SLC27A2: variants seen among roughly 807,000 people sequenced by gnomAD.
SLC27A2 encodes long-chain fatty acid transport protein 2.
Under a neutral mutation model 60.0 loss-of-function variants are expected in SLC27A2, and 54 were observed. That is an observed-to-expected ratio of 0.90 (90% confidence interval 0.72 to 1.13). SLC27A2 has a LOEUF of 1.13. SLC27A2 is among the 50% of genes most tolerant of loss of function. SLC27A2 has a pLI of 0.00. For missense variants in SLC27A2, 739 were observed against 777.6 expected (o/e 0.95, Z 0.59); for synonymous variants, 297 against 297.6 (o/e 1.00, Z 0.02).
intron 4 of SLC27A2, among the ~76,000 whole-genome samples, chr15:50,218,093 G>C (rs1251730449): frequency 7.1e-6 from 1 of 141,194 alleles, no homozygotes; most frequent in Non-Finnish European, 1.5e-5. Context: ...AAAACCGGGA[G>C]AAATGTTTTT....
At chr15:50,183,978 A>T (rs2140892376) in intron 1 of SLC27A2, among the ~76,000 whole-genome samples, 1 of 127,882 alleles carries the variant, frequency 7.8e-6, no homozygotes, top group East Asian at 2.7e-4. Context: ...CTTCGAAGCC[A>T]TGCTCTTTCC....
chr15:50,215,706 A>G (rs1316360774), intron 4 of SLC27A2, among the ~76,000 whole-genome samples: 1 of 152,166 alleles, frequency 6.6e-6, no homozygotes, highest in Non-Finnish European at 1.5e-5. Flanking sequence ...CAAAATCATA[A>G]AGGGGGCAAA....
chr15:50,225,900 A>G, intron 5 of SLC27A2, 88 bp from the exon 6 acceptor site: 1 of 857,422 alleles, frequency 1.2e-6, no homozygotes, highest in Non-Finnish European at 1.8e-6. Context: ...TTCAACCTGT[A>G]CGCCTAAGAT....
intron 4 of SLC27A2, among the ~76,000 whole-genome samples, chr15:50,207,507 A>G (rs1030491583): frequency 6.6e-6 from 1 of 152,132 alleles, no homozygotes; most frequent in Non-Finnish European, 1.5e-5. Context: ...ATAGGTCATC[A>G]GTCCAGGCAC....
At chr15:50,205,066 C>T (rs1008203860) in intron 3 of SLC27A2, among the ~76,000 whole-genome samples, 173 bp from the exon 4 acceptor site, 15 of 151,914 alleles carry the variant, frequency 9.9e-5, no homozygotes, top group Admixed American at 7.2e-4. Context: ...AAGCCCCTAT[C>T]GAACAAAACC....
chr15:50,205,445 C>G (rs1460154537), intron 4 of SLC27A2, 82 bp downstream of exon 4: 17 of 1,403,194 alleles, frequency 1.2e-5, no homozygotes, highest in Middle Eastern at 1.8e-4. Flanking sequence ...TAGGCTTCAA[C>G]TGATTTGCAT....
chr15:50,234,148 G>C, intron 9 of SLC27A2, 150 bp downstream of exon 9: 1 of 776,122 alleles, frequency 1.3e-6, no homozygotes, highest in East Asian at 2.5e-5. Context: ...AGACCAATAA[G>C]GAAGTGGTAA....
Position 50,202,528 on chromosome 15 carries a change from T to C in SLC27A2, c.730T>C (p.Tyr244His). Reference sequence around the variant, plus strand: ...CATGATCACTCATCAGCGCATATGGTATGGAACTGGCCTCACTTTTGTAAG... The same window carrying C: ...CATGATCACTCATCAGCGCATATGGCATGGAACTGGCCTCACTTTTGTAAG... Reference protein sequence around the residue: ...AAMITHQRIWYGTGLTFVSGL... With the variant: ...AAMITHQRIWHGTGLTFVSGL... The change falls in exon 3 of 10, where the codon TAT becomes CAT. Residue 244 changes from tyrosine (Y) to histidine (H), a missense_variant. Tyr to His is a moderately conservative substitution (Grantham distance 83). Transcript: ENST00000267842. The C allele has an allele frequency of 6.2e-7, 1 of 1,614,212 alleles. No homozygotes were observed. Among genetic ancestry groups the C allele is most frequent in the East Asian group, 2.2e-5 (1 of 44,888 alleles).
Position 50,223,090 on chromosome 15 carries a change from A to G in SLC27A2, c.1098A>G (p.Glu366=). The G allele has an allele frequency of 6.2e-7, 1 of 1,614,046 alleles. No individual in the cohort carries two copies. Among genetic ancestry groups the G allele is most frequent in the Non-Finnish European group, 8.5e-7 (1 of 1,179,974 alleles). Residue 366 remains glutamate, a synonymous_variant, in exon 5 of 10, where the codon GAA becomes GAG. Coordinates refer to ENST00000267842, the MANE Select transcript of SLC27A2 (RefSeq NM_003645.4). ...TCTATGAGTTCTATGCTGCCACTGA[A>G]GGCAATATTGGATTTATGAATTATG... ...ICIYEFYAAT[E]GNIGFMNYAR...
At position 50,227,018 on chromosome 15, in the gene SLC27A2, AC is replaced by A; in HGVS notation, c.1298del (p.Thr433AsnfsTer18). On this transcript the variant is annotated frameshift_variant, in exon 7 of 10. Transcript: ENST00000267842. LOFTEE classifies it high-confidence loss of function. ...GLLVCKITQLTPFNGYAGAKA... is the reference protein window; with the variant it reads ...GLLVCKITQLXPFNGYAGAKA... ...TCTGGTTTGCAAAATCACACAACTT[AC>A]ACCATTTAATGGCTATGCTGGAGCA... 6.2e-7 allele frequency: 1 copy of A among 1,614,198 alleles called. No individual in the cohort carries two copies. The highest frequency in any genetic ancestry group is 8.5e-7 in the Non-Finnish European group (1 of 1,180,022).
At chr15:50,231,929 C>T (rs1442768109) in intron 8 of SLC27A2, among the ~76,000 whole-genome samples, 1 of 152,330 alleles carries the variant, frequency 6.6e-6, no homozygotes, top group East Asian at 1.9e-4. Context: ...GAAATGCCCC[C>T]ACCAACTAGG....
chr15:50,227,053 G>C lies in SLC27A2; in HGVS notation c.1332G>C (p.Gln444His). ...PFNGYAGAKA[Q>H]TEKKKLRDVF... is the part of the protein sequence containing the mutation. The stretch of plus-strand genomic sequence containing the variant: ...ATGGCTATGCTGGAGCAAAGGCTCA[G>C]ACAGAGAAGAAAAAACTGAGAGATG... The change falls in exon 7 of 10, where the codon CAG (glutamine) becomes CAC (histidine). Residue 444 changes from glutamine to histidine, a missense_variant. Physicochemically the swap from Gln to His is conservative, Grantham distance 24 (BLOSUM62 0). Transcript: ENST00000267842. 6.2e-7 allele frequency: 1 copy of C among 1,614,170 alleles called. No homozygotes were observed.
At chr15:50,197,936 T>G (rs534887846) in intron 2 of SLC27A2, among the ~76,000 whole-genome samples, 21 of 152,308 alleles carry the variant, frequency 1.4e-4, no homozygotes, top group Non-Finnish European at 2.5e-4. Context: ...GATAAAGAGG[T>G]TAACCAAGAA....
chr15:50,228,906 A>C, intron 7 of SLC27A2, 39 bp from the exon 8 acceptor site: 4 of 1,408,436 alleles, frequency 2.8e-6, no homozygotes, highest in Non-Finnish European at 4.0e-6. Flanking sequence ...TGGGCCAGAA[A>C]CCACCAGTGA....
chr15:50,215,114 A>C (rs528559733), intron 4 of SLC27A2, among the ~76,000 whole-genome samples: 3 of 152,198 alleles, frequency 2.0e-5, no homozygotes, highest in Non-Finnish European at 4.4e-5. Flanking sequence ...AGAATTCAGC[A>C]TAGTTTCCAG....
At chr15:50,207,499 A>G (rs2045122107) in intron 4 of SLC27A2, among the ~76,000 whole-genome samples, 1 of 152,104 alleles carries the variant, frequency 6.6e-6, no homozygotes, top group Middle Eastern at 3.2e-3. Context: ...TTTAAATTAT[A>G]GGTCATCAGT....
At chr15:50,201,263 A>T (rs2045061507) in intron 2 of SLC27A2, among the ~76,000 whole-genome samples, 1 of 151,824 alleles carries the variant, frequency 6.6e-6, no homozygotes. Context: ...GGATTACAGG[A>T]CTGGCCAACT....
At chr15:50,206,321 T>C (rs1226386057) in intron 4 of SLC27A2, among the ~76,000 whole-genome samples, 2 of 152,182 alleles carry the variant, frequency 1.3e-5, no homozygotes, top group Non-Finnish European at 2.9e-5. Context: ...TACTAGACAA[T>C]GCAGTAAACT....
rs2045095032 is a variant in SLC27A2 at position 50,204,623 on chromosome 15, C to T, written c.848-616C>T. Among the ~76,000 whole-genome samples, 3 of 151,604 alleles carry T rather than the reference C, an allele frequency of 2.0e-5. No individual in the cohort carries two copies. In the South Asian group the frequency reaches 6.2e-4, roughly 32 times the overall value. The stretch of plus-strand genomic sequence containing the variant: ...TGGCACGCGCCTGTAATCCCAGCTA[C>T]TCAGGAGGCTGAGGCAGGAGAATCA... On this transcript the variant is annotated intron_variant, in intron 3 of 9. Transcript: ENST00000267842.
Sources: allele counts gnomAD v4.1 joint callset (sites outside exome capture counted in the v4.1 genomes callset), GRCh38; gene constraint gnomAD v4.1.1; transcripts MANE v1.5; gene names NCBI Gene and HGNC (gene_info 2026-07-23, HGNC 2026-07-21).